MAD1L1: variants seen among roughly 807,000 people sequenced by gnomAD.
MAD1L1 encodes the protein mitotic arrest deficient 1 like 1.
MAD1L1 carries 95 observed loss-of-function variants against 96.9 expected under a neutral mutation model. The observed-to-expected ratio is 0.98, with a 90% CI of 0.83 to 1.16. The LOEUF is 1.16. MAD1L1 is among the 50% of genes most tolerant of loss of function. The pLI is 0.00. For missense variants in MAD1L1, 1,007 were observed against 954.4 expected, an observed-to-expected ratio of 1.06 and a Z score of -0.73; for synonymous variants, 473 against 396.6, an observed-to-expected ratio of 1.19 and a Z score of -2.29.
intron 18 of MAD1L1, among the ~76,000 whole-genome samples, chr7:1,878,964 T>G (rs1399452606): frequency 6.6e-6 from 1 of 152,150 alleles, no homozygotes; most frequent in Non-Finnish European, 1.5e-5. Context: ...TAAAAGTCAA[T>G]TATTTCTATA....
At chr7:2,202,594 G>C (rs892543535) in intron 10 of MAD1L1, among the ~76,000 whole-genome samples, 1 of 152,190 alleles carries the variant, frequency 6.6e-6, no homozygotes, top group Admixed American at 6.5e-5. Context: ...GCTCACACAA[G>C]TAGCCAGAAG....
In MAD1L1 at chr7:2,114,918, G is replaced by A. The variant is rs536854564; in HGVS notation, c.1073+34234C>T. 1.4e-4 allele frequency among the ~76,000 whole-genome samples: 22 copies of A among 152,316 alleles called. No homozygotes were observed. Among genetic ancestry groups the A allele is most frequent in the Non-Finnish European group, 2.2e-4 (15 of 68,030 alleles). On this transcript the variant is annotated intron_variant, in intron 11 of 18. Coordinates refer to ENST00000265854, the MANE Select transcript of MAD1L1 (RefSeq NM_001013836.2). The surrounding 1 kb of genome is among the most constrained non-coding windows in gnomAD (Gnocchi z 4.2). ...GCAAACACAAGGGCCTCGAAGCCCC[G>A]CCTTCCGGTGAGCACCGCTGCAGCA...
chr7:2,051,670 C>T (rs1457761062), intron 12 of MAD1L1, among the ~76,000 whole-genome samples: 2 of 130,252 alleles, frequency 1.5e-5, no homozygotes, highest in Non-Finnish European at 3.3e-5. Flanking sequence ...CTGCGCCTGC[C>T]GGGTCACCTC....
chr7:1,876,327 T>C (rs1785386585), intron 18 of MAD1L1, among the ~76,000 whole-genome samples: 1 of 152,012 alleles, frequency 6.6e-6, no homozygotes, highest in Non-Finnish European at 1.5e-5. Flanking sequence ...GCCCCCCGTC[T>C]GGTCCAACAC....
intron 12 of MAD1L1, among the ~76,000 whole-genome samples, chr7:2,034,997 A>AG (rs1193271590): frequency 6.6e-6 from 1 of 152,230 alleles, no homozygotes; most frequent in South Asian, 2.1e-4. Context: ...CCAGCAGCAC[A>AG]GGGGGCCACA....
chr7:2,164,529 G>A (rs79583339), intron 10 of MAD1L1, among the ~76,000 whole-genome samples: 55 of 140,090 alleles, frequency 3.9e-4, no homozygotes, highest in African/African-American at 1.5e-3. Flanking sequence ...CACATCAAAT[G>A]GAGACAGCAG....
chr7:2,214,441 G>A (rs998827867), intron 9 of MAD1L1, among the ~76,000 whole-genome samples: 2 of 152,172 alleles, frequency 1.3e-5, no homozygotes, highest in Non-Finnish European at 2.9e-5. Context: ...AACGACCTTG[G>A]CTGTATCACA....
At chr7:1,919,511 G>A (rs866094989) in intron 17 of MAD1L1, among the ~76,000 whole-genome samples, 1 of 152,250 alleles carries the variant, frequency 6.6e-6, no homozygotes, top group Non-Finnish European at 1.5e-5. Flanking sequence ...GGCTCATTGG[G>A]AGCCACTTTT....
Position 2,090,528 on chromosome 7 carries a change from A to C in MAD1L1, c.1074-21190T>G, listed in dbSNP as rs145943462. On this transcript the variant is annotated intron_variant, in intron 11 of 18. Coordinates refer to ENST00000265854, the MANE Select transcript of MAD1L1 (RefSeq NM_001013836.2). ...CCTGGGACTCTGCCTGGACAGCACC[A>C]GTGTGTCTGTCCTTCAGCGTCCTTG... is the stretch of plus-strand genomic sequence containing the variant. 3.7e-3 allele frequency among the ~76,000 whole-genome samples: 569 copies of C among 152,352 alleles called. 2 individuals carry two copies. Among genetic ancestry groups the C allele is most frequent in the Admixed American group, 6.7e-3 (102 of 15,310 alleles).
At chr7:2,071,273 G>A (rs1056781832) in intron 11 of MAD1L1, among the ~76,000 whole-genome samples, 21 of 152,310 alleles carry the variant, frequency 1.4e-4, no homozygotes, top group Middle Eastern at 3.4e-3. Flanking sequence ...CTCACAGAAC[G>A]TCAGAAGGGA....
At chr7:1,867,964 G>A (rs963226397) in intron 18 of MAD1L1, among the ~76,000 whole-genome samples, 12 of 152,340 alleles carry the variant, frequency 7.9e-5, no homozygotes, top group African/African-American at 2.4e-4. Flanking sequence ...GGCGACAACC[G>A]TCTCTGAGGG....
At chr7:1,849,066 A>ATG (rs1386525383) in intron 18 of MAD1L1, 11 of 154,048 alleles carry the variant, frequency 7.1e-5, no homozygotes, top group Admixed American at 2.0e-4. Flanking sequence ...ACACACACAC[A>ATG]CACACACAAA....
rs1359512274 is a variant in MAD1L1 at position 1,816,175 on chromosome 7, G to A, written c.2052C>T (p.His684=). Residue 684 remains histidine, a synonymous_variant, in exon 19 of 19, where the codon CAC becomes CAT. Coordinates refer to ENST00000265854, the MANE Select transcript of MAD1L1 (RefSeq NM_001013836.2). ...KMQLLETEFS[H]TVGELIEVHL... ...GCACCTCGATGAGCTCGCCCACGGT[G>A]TGTGAGAACTCTGTCTCCAGTAGCT... The A allele has an allele frequency of 6.2e-7, 1 of 1,613,538 alleles. No homozygotes were observed.
chr7:2,106,198 T>G (rs1787090098), intron 11 of MAD1L1, among the ~76,000 whole-genome samples: 1 of 151,480 alleles, frequency 6.6e-6, no homozygotes, highest in South Asian at 2.1e-4. Flanking sequence ...GGGCCCTTAG[T>G]GCTGGCACAT....
chr7:1,877,620 A>G (rs1340867442), intron 18 of MAD1L1, among the ~76,000 whole-genome samples: 1 of 152,224 alleles, frequency 6.6e-6, no homozygotes, highest in Non-Finnish European at 1.5e-5. Flanking sequence ...AGCAAGATTC[A>G]ATTAGATGTT....
At chr7:2,143,485 G>T (rs1214628472) in intron 11 of MAD1L1, among the ~76,000 whole-genome samples, 3 of 151,726 alleles carry the variant, frequency 2.0e-5, no homozygotes, top group Non-Finnish European at 4.4e-5. Flanking sequence ...TCACTCTTGG[G>T]AGGTGACAGA....
intron 17 of MAD1L1, among the ~76,000 whole-genome samples, chr7:1,916,528 T>TGGCGGGGGA (rs1788406289): frequency 2.6e-5 from 4 of 151,976 alleles, no homozygotes; most frequent in South Asian, 2.1e-4. Context: ...GCATGAGGCA[T>TGGCGGGGGA]GGCGGGGGAG....
At chr7:2,049,811 C>T (rs1039162194) in intron 12 of MAD1L1, among the ~76,000 whole-genome samples, 1 of 151,876 alleles carries the variant, frequency 6.6e-6, no homozygotes. Context: ...CCTCATCCAA[C>T]ATCTGCTGGC....
In MAD1L1 at chr7:2,119,539, C is replaced by T. The variant is rs145313162; in HGVS notation, c.1073+29613G>A. ...TTGACCCCAGGCAGCTCTCAGGTCCCGACTGTGGGGACAGCACGTGCCCGA... is the reference window on the plus strand; with the variant it reads ...TTGACCCCAGGCAGCTCTCAGGTCCTGACTGTGGGGACAGCACGTGCCCGA... On this transcript the variant is annotated intron_variant, in intron 11 of 18. Coordinates refer to ENST00000265854, the MANE Select transcript of MAD1L1 (RefSeq NM_001013836.2). This position sits in a 1 kb window ranked among gnomAD's most constrained non-coding sequence, Gnocchi z 4.6. Among the ~76,000 whole-genome samples, 15 of 152,282 alleles carry T rather than the reference C, an allele frequency of 9.9e-5. No homozygotes were observed. The highest frequency in any genetic ancestry group is 6.8e-3 in the Middle Eastern group (2 of 294).
Sources: allele counts gnomAD v4.1 joint callset (sites outside exome capture counted in the v4.1 genomes callset), GRCh38; gene constraint gnomAD v4.1.1; non-coding constraint Gnocchi (gnomAD v3.1); transcripts MANE v1.5; gene names NCBI Gene and HGNC (gene_info 2026-07-23, HGNC 2026-07-21).